Variants in PARG observed in about 807,000 individuals in gnomAD.
PARG encodes poly(ADP-ribose) glycohydrolase.
A neutral mutation model predicts 113.0 loss-of-function variants in PARG; 35 were observed. That is an observed-to-expected ratio of 0.31 (90% CI 0.24 to 0.41). The LOEUF (loss-of-function observed/expected upper bound fraction) is 0.41, where lower values mean the gene tolerates loss of function less well. Ranked by LOEUF, PARG falls within the 10% of genes least tolerant of loss-of-function variation. PARG has a pLI of 1.00. For missense variants in PARG, 797 were observed against 1,169.4 expected, an observed-to-expected ratio of 0.68 and a Z score of 4.64; for synonymous variants, 330 against 409.9, an observed-to-expected ratio of 0.81 and a Z score of 2.36.
chr10:49,935,428 T>C (rs1342920473), intron 1 of PARG, among the ~76,000 whole-genome samples: 15 of 152,392 alleles, frequency 9.8e-5, no homozygotes, highest in African/African-American at 3.6e-4. Flanking sequence ...ATTAGCTTCC[T>C]ATGTTACTCT....
intron 6 of PARG, among the ~76,000 whole-genome samples, 165 bp downstream of exon 6, chr10:49,922,168 GTTC>G (rs1554849442): frequency 1.3e-5 from 2 of 152,156 alleles, no homozygotes; most frequent in African/African-American, 4.8e-5. Flanking sequence ...GCAACTCTCA[GTTC>G]TTCTCATTTC....
chr10:49,876,867 A>T (rs1846964314), intron 9 of PARG, among the ~76,000 whole-genome samples: 1 of 151,706 alleles, frequency 6.6e-6, no homozygotes, highest in Non-Finnish European at 1.5e-5. Context: ...TACCTACTGT[A>T]CAAACTTGAA....
intron 8 of PARG, among the ~76,000 whole-genome samples, chr10:49,883,259 G>A (rs551398296): frequency 6.6e-6 from 1 of 152,216 alleles, no homozygotes; most frequent in South Asian, 2.1e-4. Context: ...ATGACATACT[G>A]CAATGCATGG....
At chr10:49,820,069 C>T (rs1019610490) in intron 17 of PARG, 96 bp downstream of exon 17, 34 of 824,046 alleles carry the variant, frequency 4.1e-5, no homozygotes, top group Admixed American at 7.2e-5. Flanking sequence ...TTTGTTTCTT[C>T]GTACCCACTG....
chr10:49,845,184 A>G (rs532703533), intron 13 of PARG, among the ~76,000 whole-genome samples: 2 of 152,320 alleles, frequency 1.3e-5, no homozygotes, highest in African/African-American at 4.8e-5. Flanking sequence ...AAATTGGTGT[A>G]ATAATTTTGG....
chr10:49,915,962 A>C lies in PARG; in HGVS notation c.1692T>G (p.Tyr564Ter). ...AAGCTGTAAAGTCCCATTTCTTAGA[A>C]TATGCCACATTGTATTTCAGAATAG... ...KDAILKYNVA[Y>*]SKKWDFTALI... The change falls in exon 7 of 18, where the codon TAT (tyrosine) becomes TAG (stop). Residue 564 changes from tyrosine (Y) to a stop codon, truncating the protein, a stop_gained. Coordinates refer to ENST00000616448, the MANE Select transcript of PARG (RefSeq NM_003631.5). LOFTEE classifies it high-confidence loss of function. The C allele has an allele frequency of 6.5e-7, 1 of 1,543,140 alleles. No homozygotes were observed. Among genetic ancestry groups the C allele is most frequent in the Non-Finnish European group, 8.8e-7 (1 of 1,138,566 alleles).
chr10:49,907,548 TTC>T (rs1453628865), intron 7 of PARG, among the ~76,000 whole-genome samples: 18 of 152,152 alleles, frequency 1.2e-4, no homozygotes, highest in African/African-American at 2.4e-5. Context: ...AGATCTAACG[TTC>T]TGTTTTTATT....
intron 7 of PARG, among the ~76,000 whole-genome samples, chr10:49,899,622 C>A (rs1208069183): frequency 4.6e-5 from 7 of 152,130 alleles, no homozygotes; most frequent in African/African-American, 1.7e-4. Context: ...CAATTAGCAG[C>A]TAACTTATTT....
chr10:49,895,894 TA>T (rs758623636), intron 7 of PARG, among the ~76,000 whole-genome samples: 1 of 152,246 alleles, frequency 6.6e-6, no homozygotes, highest in Non-Finnish European at 1.5e-5. Context: ...ATGAAATTTT[TA>T]AAATTTCATT....
chr10:49,845,376 A>G (rs548733022), intron 13 of PARG, among the ~76,000 whole-genome samples: 66 of 152,342 alleles, frequency 4.3e-4, no homozygotes, highest in Non-Finnish European at 7.1e-4. Flanking sequence ...AACCAGAGAA[A>G]TGGAACCAGG....
chr10:49,850,727 A>G (rs1845723253), intron 13 of PARG, among the ~76,000 whole-genome samples: 2 of 152,164 alleles, frequency 1.3e-5, no homozygotes, highest in Admixed American at 6.5e-5. Context: ...ATCAATTATC[A>G]TGTTTCTACT....
In PARG at chr10:49,831,891, G is replaced by A. The variant is rs563886705; in HGVS notation, c.2647+912C>T. Among the ~76,000 whole-genome samples, 5 of 152,256 alleles carry A rather than the reference G, an allele frequency of 3.3e-5. No homozygotes were observed. The South Asian group carries it at 8.3e-4, about 25-fold the overall frequency. ...CAATAGTAACCAGCTGGACAGAAATGTGCGTGGCCTGGGGATTCCCCTGAA... is the reference window on the plus strand; with the variant it reads ...CAATAGTAACCAGCTGGACAGAAATATGCGTGGCCTGGGGATTCCCCTGAA... On this transcript the variant is annotated intron_variant, in intron 16 of 17. Transcript: ENST00000616448.
Position 49,941,884 on chromosome 10 carries a change from A to G in PARG, c.-159T>C. ...GCAATTGCTGATCCGCCGGCCTCCCAAGTCAGGCCGTAAACACTCGCCTGC... is the reference window on the plus strand; with the variant it reads ...GCAATTGCTGATCCGCCGGCCTCCCGAGTCAGGCCGTAAACACTCGCCTGC... On this transcript the variant is annotated 5_prime_UTR_variant, in exon 1 of 18. Coordinates refer to ENST00000616448, the MANE Select transcript of PARG (RefSeq NM_003631.5). 2.1e-5 allele frequency: 28 copies of G among 1,336,172 alleles called. No homozygotes were observed. Among genetic ancestry groups the G allele is most frequent in the Non-Finnish European group, 2.9e-5 (28 of 963,970 alleles). 82.8% of individuals were successfully genotyped at this position (1,336,172 alleles called of 1,614,324 possible). A position where few individuals can be genotyped will look rare whatever the true frequency, so the allele number is the denominator to read the frequency against.
chr10:49,858,374 T>G (rs1846096483), intron 12 of PARG, among the ~76,000 whole-genome samples: 1 of 128,578 alleles, frequency 7.8e-6, no homozygotes, highest in Non-Finnish European at 1.8e-5. Flanking sequence ...CACACACAAC[T>G]TGTGTATATA....
intron 1 of PARG, among the ~76,000 whole-genome samples, chr10:49,940,329 T>G (rs1838966438): frequency 6.9e-6 from 1 of 144,942 alleles, no homozygotes; most frequent in Non-Finnish European, 1.5e-5. Flanking sequence ...AACAAATAAA[T>G]AAGTCTAATC....
chr10:49,914,928 A>C (rs1837386422), intron 7 of PARG, among the ~76,000 whole-genome samples: 1 of 152,208 alleles, frequency 6.6e-6, no homozygotes, highest in Non-Finnish European at 1.5e-5. Flanking sequence ...CACATATGAA[A>C]ATTAACTCGA....
At chr10:49,832,968 C>G (rs971584591) in intron 15 of PARG, 60 bp from the exon 16 acceptor site, 4 of 854,084 alleles carry the variant, frequency 4.7e-6, no homozygotes, top group Non-Finnish European at 7.5e-6. Context: ...GTGTTTCTGA[C>G]TGATGTACTA....
chr10:49,838,107 G>A (rs550965115), intron 15 of PARG, among the ~76,000 whole-genome samples: 31 of 152,288 alleles, frequency 2.0e-4, no homozygotes, highest in African/African-American at 7.2e-4. Context: ...CCTAGTTATA[G>A]TAGTCTCTAT....
At chr10:49,843,479 A>G in intron 14 of PARG, 75 bp downstream of exon 14, 1 of 785,526 alleles carries the variant, frequency 1.3e-6, no homozygotes, top group South Asian at 1.5e-5. Context: ...AGTAGACAGA[A>G]TGAGAGTGTG....
Sources: gnomAD v4.1 joint callset for allele counts (sites outside exome capture counted in the v4.1 genomes callset) on GRCh38, gnomAD v4.1.1 for gene constraint, MANE v1.5 for transcripts, NCBI Gene and HGNC (gene_info 2026-07-23, HGNC 2026-07-21) for gene names.